Variants in IBTK observed in about 807,000 individuals in gnomAD.
The protein encoded by IBTK is inhibitor of Bruton tyrosine kinase.
A neutral mutation model predicts 154.9 loss-of-function variants in IBTK; 83 were observed. That is an observed-to-expected ratio of 0.54 (90% CI 0.45 to 0.64). The LOEUF is 0.64. Ranked by LOEUF, IBTK falls within the 30% of genes least tolerant of loss-of-function variation. The pLI, the probability that IBTK is intolerant of heterozygous loss-of-function variation, is 0.00. For synonymous variants in IBTK, 515 were observed against 536.1 expected, an observed-to-expected ratio of 0.96 and a Z score of 0.54; for missense variants, 1,332 against 1,584.6, an observed-to-expected ratio of 0.84 and a Z score of 2.71.
chr6:82,233,722 T>G (rs1770607420), intron 3 of IBTK, among the ~76,000 whole-genome samples: 1 of 148,724 alleles, frequency 6.7e-6, no homozygotes, highest in Non-Finnish European at 1.5e-5. Flanking sequence ...TTTTTTTTTT[T>G]TTTTTTTTTG....
chr6:82,235,615 T>C (rs757293346), intron 2 of IBTK, among the ~76,000 whole-genome samples: 1 of 152,030 alleles, frequency 6.6e-6, no homozygotes, highest in Non-Finnish European at 1.5e-5. Flanking sequence ...AAAAAAATTA[T>C]CTGGAGAAGG....
In IBTK at chr6:82,240,833, G is replaced by C; in HGVS notation, c.-347C>G. On this transcript the variant is annotated 5_prime_UTR_variant, in exon 2 of 29. Transcript: ENST00000306270. ...CTGACCCTTTTAAATATCCATAATT[G>C]CAAGGGTGACCTATAAGAGAAAGAG... is the stretch of plus-strand genomic sequence containing the variant. 1 of 411,948 alleles carries C rather than the reference G, an allele frequency of 2.4e-6. No individual in the cohort carries two copies. Among genetic ancestry groups the C allele is most frequent in the Non-Finnish European group, 4.3e-6 (1 of 234,476 alleles). 25.5% of individuals were successfully genotyped at this position (411,948 alleles called of 1,614,324 possible).
intron 23 of IBTK, among the ~76,000 whole-genome samples, chr6:82,193,251 T>G (rs368168353): frequency 5.3e-5 from 8 of 152,192 alleles, no homozygotes; most frequent in Admixed American, 1.3e-4. Flanking sequence ...ATATTGAGAA[T>G]GTTTATTGCC....
intron 5 of IBTK, among the ~76,000 whole-genome samples, chr6:82,226,504 G>A (rs1359702887): frequency 1.3e-5 from 2 of 151,458 alleles, no homozygotes; most frequent in African/African-American, 4.9e-5. Flanking sequence ...TGAAAATACT[G>A]GCTCAATTTT....
chr6:82,211,288 G>T, intron 15 of IBTK, 79 bp downstream of exon 15: 1 of 1,125,130 alleles, frequency 8.9e-7, no homozygotes, highest in Non-Finnish European at 1.3e-6. Context: ...TTCTGATTTT[G>T]AATTTCTTTA....
chr6:82,222,890 C>A (rs1435350882), intron 8 of IBTK, among the ~76,000 whole-genome samples: 1 of 150,024 alleles, frequency 6.7e-6, no homozygotes, highest in Non-Finnish European at 1.5e-5. Flanking sequence ...AGAGCAAGAA[C>A]CTGTCTCAAT....
chr6:82,178,132 T>G (rs979791114), intron 26 of IBTK, among the ~76,000 whole-genome samples: 1 of 152,208 alleles, frequency 6.6e-6, no homozygotes, highest in Non-Finnish European at 1.5e-5. Flanking sequence ...TTTCTCAGAA[T>G]CACTAGCAGT....
At position 82,210,832 on chromosome 6, in the gene IBTK, C is replaced by T; in HGVS notation, c.2491G>A (p.Glu831Lys). 6.6e-7 allele frequency: 1 copy of T among 1,510,812 alleles called. No individual in the cohort carries two copies. Among genetic ancestry groups the T allele is most frequent in the Non-Finnish European group, 9.0e-7 (1 of 1,115,348 alleles). 93.6% of individuals were successfully genotyped at this position (1,510,812 alleles called of 1,614,324 possible). ...TTAATACCTTTTATCACCACAGCTT[C>T]ATCAGTATAGAGGTAGTCCAAAATA... ...KVILDYLYTDEAVVIKESQNV... is the reference protein window; with the variant it reads ...KVILDYLYTDKAVVIKESQNV... Residue 831 changes from glutamate to lysine, a missense_variant, in exon 16 of 29, where the codon GAA (glutamate) becomes AAA (lysine). Coordinates refer to ENST00000306270, the MANE Select transcript of IBTK (RefSeq NM_015525.4).
rs1337527100 is a variant in IBTK at position 82,214,705 on chromosome 6, G to A, written c.1726C>T (p.Pro576Ser). Residue 576 changes from proline to serine, a missense_variant, in exon 12 of 29, where the codon CCT (proline) becomes TCT (serine). Physicochemically the swap from Pro to Ser is moderately conservative, Grantham distance 74. Transcript: ENST00000306270. ...ACTGCCAAAATATATTTATGTGCAGGGAAGAGTCTATTGCCAACTTGAAAT... is the reference window on the plus strand; with the variant it reads ...ACTGCCAAAATATATTTATGTGCAGAGAAGAGTCTATTGCCAACTTGAAAT... ...VTFQVGNRLF[P>S]AHKYILAVHS... is the part of the protein sequence containing the mutation. 1.9e-6 allele frequency: 3 copies of A among 1,613,994 alleles called. No homozygotes were observed. Among genetic ancestry groups the A allele is most frequent in the Non-Finnish European group, 2.5e-6 (3 of 1,179,994 alleles).
chr6:82,197,253 C>G (rs1284009171), intron 21 of IBTK, among the ~76,000 whole-genome samples: 1 of 152,138 alleles, frequency 6.6e-6, no homozygotes, highest in African/African-American at 2.4e-5. Context: ...AACCTACCAT[C>G]TCTTATACAT....
chr6:82,200,151 T>A lies in IBTK; in HGVS notation c.3015A>T (p.Pro1005=). Reference sequence around the variant, plus strand: ...TCACTTTCCACGAACCTGTAGATGATGGACTCTGAATAATATCTGAAAGGT... The same window carrying A: ...TCACTTTCCACGAACCTGTAGATGAAGGACTCTGAATAATATCTGAAAGGT... ...GYNLSDIIQS[P]SSTGLLKSGK... The change falls in exon 21 of 29, where the codon CCA becomes CCT. Residue 1005 remains proline, a synonymous_variant. Transcript: ENST00000306270. 2 of 1,597,832 alleles carry A rather than the reference T, an allele frequency of 1.3e-6. No homozygotes were observed. The highest frequency in any genetic ancestry group is 1.7e-6 in the Non-Finnish European group (2 of 1,167,680).
rs112684402 is a variant in IBTK, at chr6:82,188,380, T to G, written c.3575+2693A>C. Among the ~76,000 whole-genome samples, 830 of 152,348 alleles carry G rather than the reference T, an allele frequency of 5.4e-3. 9 individuals are homozygous for G. Among genetic ancestry groups the G allele is most frequent in the African/African-American group, 0.019 (795 of 41,576 alleles). ...GATTCATCCACACTGTTGTATTTAG[T>G]CATGATTTATTCTTTTTCATTACTC... On this transcript the variant is annotated intron_variant, in intron 25 of 28. Coordinates refer to ENST00000306270, the MANE Select transcript of IBTK (RefSeq NM_015525.4).
chr6:82,177,455 C>T (rs1360749440), intron 26 of IBTK, among the ~76,000 whole-genome samples: 1 of 151,938 alleles, frequency 6.6e-6, no homozygotes, highest in African/African-American at 2.4e-5. Flanking sequence ...TCTTGTTGCC[C>T]AGGCTGGAGT....
chr6:82,228,225 G>C (rs1770367504), intron 4 of IBTK, among the ~76,000 whole-genome samples: 1 of 152,034 alleles, frequency 6.6e-6, no homozygotes, highest in Non-Finnish European at 1.5e-5. Flanking sequence ...AAAAAGATGA[G>C]TAAGAAATAA....
At chr6:82,198,806 T>G (rs1319305172) in intron 21 of IBTK, among the ~76,000 whole-genome samples, 1 of 152,140 alleles carries the variant, frequency 6.6e-6, no homozygotes, top group Non-Finnish European at 1.5e-5. Context: ...AAGAAACTAC[T>G]AAAACGTATA....
At chr6:82,238,445 A>AT (rs907660697) in intron 2 of IBTK, among the ~76,000 whole-genome samples, 13 of 149,364 alleles carry the variant, frequency 8.7e-5, no homozygotes, top group South Asian at 2.1e-4. Flanking sequence ...AATTTTAATG[A>AT]TTTTTTTTTT....
rs115396487 is a variant in IBTK at position 82,178,484 on chromosome 6, C to G, written c.3725+3395G>C. ...GCAATATAACTCACTACATTAGAAA[C>G]AAATGTTACTTGAAACAGGGTTACA... On this transcript the variant is annotated intron_variant, in intron 26 of 28. Transcript: ENST00000306270. Among the ~76,000 whole-genome samples the G allele has an allele frequency of 6.6e-3, 1,001 of 152,086 alleles. 9 individuals are homozygous for G. Among genetic ancestry groups the G allele is most frequent in the African/African-American group, 0.023 (938 of 41,474 alleles).
At chr6:82,233,188 A>T (rs1190252704) in intron 3 of IBTK, among the ~76,000 whole-genome samples, 1 of 150,728 alleles carries the variant, frequency 6.6e-6, no homozygotes, top group African/African-American at 2.4e-5. Context: ...TTAATTGGGC[A>T]TGGTGGCATG....
chr6:82,179,156 T>C (rs549042893), intron 26 of IBTK, among the ~76,000 whole-genome samples: 3 of 152,308 alleles, frequency 2.0e-5, no homozygotes, highest in South Asian at 2.1e-4. Context: ...ATTTAGTATA[T>C]GGATTTGAGA....
Sources: gnomAD v4.1 joint callset for allele counts (sites outside exome capture counted in the v4.1 genomes callset) on GRCh38, gnomAD v4.1.1 for gene constraint, MANE v1.5 for transcripts, NCBI Gene and HGNC (gene_info 2026-07-23, HGNC 2026-07-21) for gene names.